LTBP1: variants seen among roughly 807,000 people sequenced by gnomAD.
LTBP1 encodes latent transforming growth factor beta binding protein 1.
Under a neutral mutation model 207.6 loss-of-function variants are expected in LTBP1, and 129 were observed. That is an observed-to-expected ratio of 0.62 (90% CI 0.54 to 0.72). LTBP1 has a LOEUF of 0.72. Ranked by LOEUF, LTBP1 falls within the 30% of genes least tolerant of loss-of-function variation. LTBP1 has a pLI of 0.00. For synonymous variants in LTBP1, 963 were observed against 833.7 expected (o/e 1.16, Z -2.67); for missense variants, 2,281 against 2,217.2 (o/e 1.03, Z -0.58).
intron 18 of LTBP1, among the ~76,000 whole-genome samples, chr2:33,279,580 TA>T (rs1400125357): frequency 5.9e-5 from 9 of 152,142 alleles, no homozygotes; most frequent in African/African-American, 2.2e-4. Flanking sequence ...CAACCTAGGA[TA>T]TTCTTGGGCC....
intron 2 of LTBP1, among the ~76,000 whole-genome samples, chr2:32,956,515 C>T (rs777349458): frequency 2.4e-4 from 37 of 152,200 alleles, no homozygotes; most frequent in Non-Finnish European, 4.4e-4. Context: ...TGCAGCAATT[C>T]AGTCCCATCT....
chr2:33,326,799 C>T (rs1371767436), intron 24 of LTBP1, among the ~76,000 whole-genome samples: 2 of 152,026 alleles, frequency 1.3e-5, no homozygotes, highest in Non-Finnish European at 2.9e-5. Context: ...GCTGGGATTA[C>T]AGGCACGTGC....
intron 15 of LTBP1, among the ~76,000 whole-genome samples, chr2:33,271,090 C>G (rs184940978): frequency 1.3e-3 from 197 of 152,304 alleles, no homozygotes; most frequent in African/African-American, 4.5e-3. Flanking sequence ...TTTAATTAAG[C>G]ATCACATATA....
At chr2:33,301,694 A>T (rs2093991578) in intron 22 of LTBP1, 50 bp downstream of exon 22, 1 of 1,471,676 alleles carries the variant, frequency 6.8e-7, no homozygotes. Context: ...GATCGGAGGG[A>T]AATCTGGGCA....
intron 18 of LTBP1, among the ~76,000 whole-genome samples, chr2:33,277,807 T>TCTCTCTCTCTCTC (rs2093471604): frequency 9.2e-6 from 1 of 109,034 alleles, no homozygotes; most frequent in Non-Finnish European, 1.9e-5. Flanking sequence ...CTCTCTCTCT[T>TCTCTCTCTCTCTC]TCTTTTTTTC....
At chr2:33,397,112 C>A (rs2095365626) in intron 32 of LTBP1, 21 bp from the exon 33 acceptor site, 2 of 1,610,442 alleles carry the variant, frequency 1.2e-6, no homozygotes, top group African/African-American at 1.3e-5. Flanking sequence ...TCTAACTTAG[C>A]TTCTGCCCTT....
At chr2:33,299,431 C>T (rs1232548699) in intron 20 of LTBP1, among the ~76,000 whole-genome samples, 1 of 152,134 alleles carries the variant, frequency 6.6e-6, no homozygotes, top group African/African-American at 2.4e-5. Flanking sequence ...ACAAATCCCT[C>T]TATTTTATTT....
intron 26 of LTBP1, among the ~76,000 whole-genome samples, chr2:33,359,449 C>G (rs2094901498): frequency 6.6e-6 from 1 of 152,050 alleles, no homozygotes; most frequent in Non-Finnish European, 1.5e-5. Context: ...ATTTAATTTC[C>G]TTGCTAATAT....
intron 10 of LTBP1, among the ~76,000 whole-genome samples, chr2:33,248,098 C>T (rs1351083359): frequency 6.6e-6 from 1 of 152,234 alleles, no homozygotes; most frequent in Non-Finnish European, 1.5e-5. Context: ...CCTAGCCTCC[C>T]TCACTTGGAG....
At chr2:33,130,607 G>T (rs1441311548) in intron 4 of LTBP1, among the ~76,000 whole-genome samples, 2 of 152,090 alleles carry the variant, frequency 1.3e-5, no homozygotes, top group Non-Finnish European at 2.9e-5. Flanking sequence ...GGGAGGAGGG[G>T]TATCGGCTTC....
intron 9 of LTBP1, among the ~76,000 whole-genome samples, 200 bp downstream of exon 9, chr2:33,222,351 A>G (rs2091164883): frequency 1.3e-5 from 2 of 152,246 alleles, no homozygotes; most frequent in African/African-American, 2.4e-5. Context: ...CTGAAACTTG[A>G]TGCAAGTTTT....
intron 3 of LTBP1, among the ~76,000 whole-genome samples, chr2:33,083,796 A>G (rs1048060147): frequency 1.3e-5 from 2 of 152,232 alleles, no homozygotes; most frequent in African/African-American, 4.8e-5. Flanking sequence ...AGGTCGAGAA[A>G]CGATCAGTGA....
At chr2:33,226,351 G>T (rs1409825245) in intron 9 of LTBP1, among the ~76,000 whole-genome samples, 1 of 152,160 alleles carries the variant, frequency 6.6e-6, no homozygotes, top group Non-Finnish European at 1.5e-5. Flanking sequence ...TAAAGTAATT[G>T]ATCCTGGCAT....
intron 2 of LTBP1, among the ~76,000 whole-genome samples, chr2:33,018,922 G>C (rs1039429438): frequency 2.0e-5 from 3 of 151,698 alleles, no homozygotes; most frequent in African/African-American, 4.9e-5. Flanking sequence ...TTGTCAGCTT[G>C]GTATTCTGAC....
intron 5 of LTBP1, among the ~76,000 whole-genome samples, chr2:33,182,746 A>T (rs1183280817): frequency 7.1e-6 from 1 of 139,884 alleles, no homozygotes; most frequent in Non-Finnish European, 1.6e-5. Flanking sequence ...AGACATATAT[A>T]TGTATGTATG....
intron 2 of LTBP1, among the ~76,000 whole-genome samples, chr2:33,014,146 T>G (rs1483470965): frequency 6.6e-6 from 1 of 152,196 alleles, no homozygotes; most frequent in African/African-American, 2.4e-5. Context: ...CTGTAAAGAT[T>G]TATTAAATAT....
chr2:33,198,454 A>T (rs1430069041), intron 7 of LTBP1, among the ~76,000 whole-genome samples: 1 of 152,038 alleles, frequency 6.6e-6, no homozygotes, highest in Non-Finnish European at 1.5e-5. Flanking sequence ...TATTGACTGG[A>T]ATAGTTTCAG....
chr2:33,166,485 ATCCTGTAC>A (rs1558738742), intron 5 of LTBP1, among the ~76,000 whole-genome samples: 3 of 152,208 alleles, frequency 2.0e-5, no homozygotes, highest in Non-Finnish European at 4.4e-5. Flanking sequence ...TCTGATTCTT[ATCCTGTAC>A]AGAATCTAGA....
chr2:33,339,192 G>T (rs1397604495), intron 24 of LTBP1, among the ~76,000 whole-genome samples: 1 of 152,030 alleles, frequency 6.6e-6, no homozygotes, highest in Non-Finnish European at 1.5e-5. Flanking sequence ...GTGACAGATT[G>T]GATTTGCTGA....
Sources: allele counts gnomAD v4.1 joint callset (sites outside exome capture counted in the v4.1 genomes callset), GRCh38; gene constraint gnomAD v4.1.1; transcripts MANE v1.5; gene names NCBI Gene and HGNC (gene_info 2026-07-23, HGNC 2026-07-21).